Variants in WDR49 observed in about 807,000 individuals in gnomAD.
WDR49 encodes WD repeat domain 49.
A neutral mutation model predicts 119.5 loss-of-function variants in WDR49; 107 were observed. That is an observed-to-expected ratio of 0.90 (90% CI 0.77 to 1.05). The LOEUF (loss-of-function observed/expected upper bound fraction) is 1.05. Ranked by LOEUF, WDR49 falls within the 50% of genes least tolerant of loss-of-function variation. The probability of loss-of-function intolerance (pLI) is 0.00; values close to 1 mark genes in which losing one functional copy is unlikely to be tolerated. For missense variants in WDR49, 1,240 were observed against 1,220.5 expected, an observed-to-expected ratio of 1.02 and a Z score of -0.24; for synonymous variants, 425 against 418.8, an observed-to-expected ratio of 1.01 and a Z score of -0.18.
Position 167,626,918 on chromosome 3 carries a change from A to G in WDR49, c.540T>C (p.Thr180=). 7.8e-7 allele frequency: 1 copy of G among 1,288,206 alleles called. No individual in the cohort carries two copies. The allele number at this position is 1,288,206 out of a possible 1,614,324, so 79.8% of individuals were successfully genotyped here. A position where few individuals can be genotyped will look rare whatever the true frequency, so the allele number is the denominator to read the frequency against. ...HLKLQETFPI[T]SDATKLKHLW... ...GGTGTTTGAGCTTGGTGGCATCTGAAGTGATGGGGAATGTTTCTTGCAGCT... is the reference window on the plus strand; with the variant it reads ...GGTGTTTGAGCTTGGTGGCATCTGAGGTGATGGGGAATGTTTCTTGCAGCT... Residue 180 remains threonine, a synonymous_variant, in exon 3 of 19, where the codon ACT becomes ACC. Transcript: ENST00000682715.
At chr3:167,538,842 A>G (rs1407025346) in intron 10 of WDR49, among the ~76,000 whole-genome samples, 1 of 152,186 alleles carries the variant, frequency 6.6e-6, no homozygotes, top group Admixed American at 6.5e-5. Flanking sequence ...AACACTCTGG[A>G]TGGAGAAAAC....
chr3:167,588,107 C>T (rs144953703), intron 7 of WDR49, among the ~76,000 whole-genome samples: 3 of 152,138 alleles, frequency 2.0e-5, no homozygotes. Flanking sequence ...TCCCCCACCA[C>T]TACCCTTCCC....
At chr3:167,604,500 T>G (rs1316390211) in intron 5 of WDR49, 32 bp from the exon 6 acceptor site, 1 of 1,537,106 alleles carries the variant, frequency 6.5e-7, no homozygotes, top group Admixed American at 2.0e-5. Flanking sequence ...AAAAACAATC[T>G]TTAGTTGATT....
chr3:167,505,454 C>T, intron 16 of WDR49, 38 bp from the exon 17 acceptor site: 1 of 1,474,588 alleles, frequency 6.8e-7, no homozygotes, highest in South Asian at 1.4e-5. Flanking sequence ...ACATTATTAA[C>T]CACAGGGATG....
At chr3:167,608,365 C>T (rs777232206) in intron 5 of WDR49, among the ~76,000 whole-genome samples, 63 of 152,238 alleles carry the variant, frequency 4.1e-4, no homozygotes, top group Non-Finnish European at 7.1e-4. Flanking sequence ...TGTGTTTCCC[C>T]ATTATACCCA....
chr3:167,494,644 A>G (rs1751275815), intron 18 of WDR49, among the ~76,000 whole-genome samples: 1 of 152,184 alleles, frequency 6.6e-6, no homozygotes, highest in South Asian at 2.1e-4. Flanking sequence ...TGGCATTGCT[A>G]AGAAACAGAC....
Position 167,522,330 on chromosome 3 carries a change from T to A in WDR49, c.2759A>T (p.Asp920Val). The stretch of plus-strand genomic sequence containing the variant: ...AATTACTTACTTGTATGTTGAGTCA[T>A]CTTTGTTTTTCTTATTAAGTAGAGA... ...EHSLLNKKNK[D>V]DSTYNVRPSE... The change falls in exon 16 of 19, where the codon GAT becomes GTT. Residue 920 changes from aspartate to valine, a missense_variant. Transcript: ENST00000682715. The A allele has an allele frequency of 6.3e-7, 1 of 1,586,456 alleles. No individual in the cohort carries two copies.
chr3:167,605,992 T>C (rs1272777915), intron 5 of WDR49, among the ~76,000 whole-genome samples: 1 of 152,194 alleles, frequency 6.6e-6, no homozygotes, highest in Non-Finnish European at 1.5e-5. Context: ...CTCTTGACTA[T>C]TGAAACTTGG....
At chr3:167,554,539 G>T (rs1712800100) in intron 10 of WDR49, 111 bp downstream of exon 10, 3 of 579,372 alleles carry the variant, frequency 5.2e-6, no homozygotes, top group Non-Finnish European at 5.9e-6. Flanking sequence ...TCCAACTAGG[G>T]TATCACTCAC....
intron 7 of WDR49, among the ~76,000 whole-genome samples, chr3:167,598,891 T>C (rs1279794407): frequency 6.6e-6 from 1 of 152,234 alleles, no homozygotes; most frequent in Non-Finnish European, 1.5e-5. Context: ...TCCAGATTAC[T>C]AGACAGGCTC....
At chr3:167,578,982 C>T in intron 7 of WDR49, among the ~76,000 whole-genome samples, 1 of 152,102 alleles carries the variant, frequency 6.6e-6, no homozygotes, top group East Asian at 1.9e-4. Context: ...ATTTCCCATG[C>T]TGTTCTTGTG....
chr3:167,527,697 ATGT>A (rs1230718436), intron 15 of WDR49, 120 bp downstream of exon 15: 39 of 1,033,072 alleles, frequency 3.8e-5, no homozygotes, highest in Non-Finnish European at 5.1e-5. Flanking sequence ...TGCTTCGGAA[ATGT>A]TGTCAGTTCT....
chr3:167,516,697 C>T (rs187535377), intron 16 of WDR49, among the ~76,000 whole-genome samples: 37 of 151,642 alleles, frequency 2.4e-4, no homozygotes, highest in African/African-American at 8.4e-4. Context: ...AATGGTTGAA[C>T]GAGCCAAAAT....
At chr3:167,524,946 G>A (rs1368298632) in intron 15 of WDR49, among the ~76,000 whole-genome samples, 5 of 152,080 alleles carry the variant, frequency 3.3e-5, no homozygotes, top group Non-Finnish European at 7.4e-5. Context: ...TGTGAAGAAA[G>A]CCAATGGTAG....
At chr3:167,568,708 T>G (rs1447666553) in intron 8 of WDR49, among the ~76,000 whole-genome samples, 5 of 152,324 alleles carry the variant, frequency 3.3e-5, no homozygotes, top group Middle Eastern at 3.4e-3. Context: ...GCACTTCTTA[T>G]GAGTTCCATG....
At chr3:167,649,482 G>A (rs1718274083) in intron 2 of WDR49, among the ~76,000 whole-genome samples, 1 of 152,028 alleles carries the variant, frequency 6.6e-6, no homozygotes, top group Admixed American at 6.6e-5. Flanking sequence ...GAGGTGTTTT[G>A]GGAATTTTAT....
chr3:167,570,482 T>C (rs1195847678), intron 8 of WDR49, among the ~76,000 whole-genome samples: 1 of 152,240 alleles, frequency 6.6e-6, no homozygotes. Context: ...ATGTTTATTA[T>C]AAATTTTGGA....
At chr3:167,624,045 AC>A (rs1716998386) in intron 3 of WDR49, among the ~76,000 whole-genome samples, 1 of 151,998 alleles carries the variant, frequency 6.6e-6, no homozygotes, top group South Asian at 2.1e-4. Context: ...CAATAAGATA[AC>A]AATCCTAATA....
chr3:167,574,291 TA>T (rs1279427145), intron 8 of WDR49, among the ~76,000 whole-genome samples: 1 of 152,230 alleles, frequency 6.6e-6, no homozygotes, highest in East Asian at 1.9e-4. Context: ...AAAACTGTGT[TA>T]TTTGCTTTGT....
Sources: allele counts gnomAD v4.1 joint callset (sites outside exome capture counted in the v4.1 genomes callset), GRCh38; gene constraint gnomAD v4.1.1; transcripts MANE v1.5; gene names NCBI Gene and HGNC (gene_info 2026-07-23, HGNC 2026-07-21).